Variants in ALOX5 observed in about 807,000 individuals in gnomAD.
The protein encoded by ALOX5 is polyunsaturated fatty acid 5-lipoxygenase.
A neutral mutation model predicts 87.9 loss-of-function variants in ALOX5; 64 were observed. The observed-to-expected ratio is 0.73, with a 90% CI of 0.60 to 0.90. The LOEUF (loss-of-function observed/expected upper bound fraction) is 0.90, where lower values mean the gene tolerates loss of function less well. Among genes scored for constraint, ALOX5 ranks in the 40% least tolerant of loss-of-function variants. ALOX5 has a pLI of 0.00. For missense variants in ALOX5, 822 were observed against 907.5 expected, an observed-to-expected ratio of 0.91 and a Z score of 1.21; for synonymous variants, 388 against 355.1, an observed-to-expected ratio of 1.09 and a Z score of -1.04.
intron 4 of ALOX5, 79 bp from the exon 5 acceptor site, chr10:45,423,962 C>A: frequency 8.4e-7 from 1 of 1,186,808 alleles, no homozygotes; most frequent in Non-Finnish European, 1.3e-6. Context: ...GTGAGGACCC[C>A]TGAGAGCTTG....
At chr10:45,429,559 G>C (rs1271923085) in intron 7 of ALOX5, among the ~76,000 whole-genome samples, 1 of 152,196 alleles carries the variant, frequency 6.6e-6, no homozygotes, top group East Asian at 1.9e-4. Context: ...TCTGAAAACT[G>C]CTGCATATTT....
At chr10:45,419,858 A>AGGG (rs1317615881) in intron 4 of ALOX5, among the ~76,000 whole-genome samples, 6 of 152,212 alleles carry the variant, frequency 3.9e-5, no homozygotes, top group Non-Finnish European at 8.8e-5. Context: ...CTGTGGAGGA[A>AGGG]GGGAGGGACG....
intron 2 of ALOX5, among the ~76,000 whole-genome samples, chr10:45,383,644 A>T (rs1303724091): frequency 6.6e-6 from 1 of 152,192 alleles, no homozygotes; most frequent in Non-Finnish European, 1.5e-5. Flanking sequence ...TGTTACCCCC[A>T]TTTTATAGCT....
intron 7 of ALOX5, among the ~76,000 whole-genome samples, chr10:45,432,271 G>T (rs1025984640): frequency 6.6e-6 from 1 of 151,512 alleles, no homozygotes; most frequent in East Asian, 1.9e-4. Flanking sequence ...GAGGTGGGAG[G>T]ATGGCTTGAG....
intron 7 of ALOX5, among the ~76,000 whole-genome samples, chr10:45,438,810 AAGC>A (rs1041305809): frequency 6.6e-6 from 1 of 152,238 alleles, no homozygotes; most frequent in African/African-American, 2.4e-5. Flanking sequence ...TGGTATTTAA[AAGC>A]AGCCAACTAA....
intron 2 of ALOX5, among the ~76,000 whole-genome samples, chr10:45,388,854 C>A (rs543750501): frequency 1.3e-5 from 2 of 152,170 alleles, no homozygotes; most frequent in African/African-American, 4.8e-5. Context: ...ATGACTTTGA[C>A]GAGTTGAGAG....
At chr10:45,421,612 G>A (rs1019200860) in intron 4 of ALOX5, among the ~76,000 whole-genome samples, 1 of 152,260 alleles carries the variant, frequency 6.6e-6, no homozygotes, top group African/African-American at 2.4e-5. Flanking sequence ...GAAGGAGGCA[G>A]CAAGGCTGAA....
At chr10:45,396,023 T>G in intron 3 of ALOX5, 87 bp downstream of exon 3, 1 of 1,369,726 alleles carries the variant, frequency 7.3e-7, no homozygotes, top group Non-Finnish European at 1.0e-6. Flanking sequence ...CTTTCCACAG[T>G]GTATGGCCTG....
intron 1 of ALOX5, among the ~76,000 whole-genome samples, chr10:45,379,078 G>T (rs1447479878): frequency 6.6e-6 from 1 of 152,104 alleles, no homozygotes; most frequent in Non-Finnish European, 1.5e-5. Flanking sequence ...CAGAGAAGCT[G>T]CTCAGTCTCT....
At chr10:45,403,502 G>T (rs892998994) in intron 3 of ALOX5, among the ~76,000 whole-genome samples, 2 of 152,152 alleles carry the variant, frequency 1.3e-5, no homozygotes, top group South Asian at 2.1e-4. Context: ...TGGGGGTGAG[G>T]GTACGGACAA....
intron 4 of ALOX5, among the ~76,000 whole-genome samples, chr10:45,419,869 TAGC>T (rs1841441644): frequency 6.6e-6 from 1 of 151,980 alleles, no homozygotes; most frequent in Non-Finnish European, 1.5e-5. Context: ...GGGAGGGACG[TAGC>T]AGCAGGAGGA....
intron 13 of ALOX5, chr10:45,444,539 A>C: frequency 2.2e-6 from 1 of 451,496 alleles, no homozygotes; most frequent in Non-Finnish European, 3.9e-6. Flanking sequence ...GTCGTGTGTG[A>C]CGCCCCCTCC....
At chr10:45,438,883 C>G (rs702365) in intron 7 of ALOX5, among the ~76,000 whole-genome samples, 77,391 of 152,020 alleles carry the variant, frequency 0.51, 19,926 homozygotes, top group East Asian at 0.63. Context: ...TCTCCCTCCT[C>G]CCTCCCCCCT....
intron 13 of ALOX5, 30 bp downstream of exon 13, chr10:45,444,316 C>T (rs1259792658): frequency 6.5e-7 from 1 of 1,530,356 alleles, no homozygotes; most frequent in East Asian, 2.5e-5. Flanking sequence ...GGCACAGCCC[C>T]AGGTCACCCC....
intron 10 of ALOX5, 36 bp downstream of exon 10, chr10:45,443,252 G>A: frequency 1.2e-6 from 2 of 1,600,638 alleles, no homozygotes; most frequent in Non-Finnish European, 1.7e-6. Context: ...TGGGGGAGGA[G>A]CCGGGACCCC....
At chr10:45,396,625 A>T (rs935915921) in intron 3 of ALOX5, among the ~76,000 whole-genome samples, 3 of 152,224 alleles carry the variant, frequency 2.0e-5, no homozygotes, top group Non-Finnish European at 4.4e-5. Flanking sequence ...CCAGACCCAG[A>T]TAGCTTCACT....
At chr10:45,423,634 C>T (rs1021774206) in intron 4 of ALOX5, among the ~76,000 whole-genome samples, 2 of 152,224 alleles carry the variant, frequency 1.3e-5, no homozygotes, top group Admixed American at 6.5e-5. Flanking sequence ...GCAGAAAATA[C>T]ATGAGTTTTC....
At chr10:45,384,952 C>G (rs546197122) in intron 2 of ALOX5, among the ~76,000 whole-genome samples, 10 of 152,236 alleles carry the variant, frequency 6.6e-5, no homozygotes, top group Admixed American at 4.6e-4. Context: ...AAGCGATTCT[C>G]CTGCCTCAGC....
intron 3 of ALOX5, among the ~76,000 whole-genome samples, chr10:45,396,673 T>C (rs1054812834): frequency 1.3e-5 from 2 of 152,220 alleles, no homozygotes. Flanking sequence ...TTAATACTGA[T>C]CTTGCATAAA....
Sources: gnomAD v4.1 joint callset for allele counts (sites outside exome capture counted in the v4.1 genomes callset) on GRCh38, gnomAD v4.1.1 for gene constraint, MANE v1.5 for transcripts, NCBI Gene and HGNC (gene_info 2026-07-23, HGNC 2026-07-21) for gene names.